The following TBCCD1 variants were observed in gnomAD, a reference collection of about 807,000 sequenced individuals.
The protein encoded by TBCCD1 is TBCC domain containing 1.
A neutral mutation model predicts 53.4 loss-of-function variants in TBCCD1; 26 were observed. The observed-to-expected ratio is 0.49, with a 90% confidence interval of 0.36 to 0.68. TBCCD1 has a LOEUF of 0.68. TBCCD1 is among the 30% of genes least tolerant of loss of function. The pLI, the probability that TBCCD1 is intolerant of heterozygous loss-of-function variation, is 0.00. For synonymous variants in TBCCD1, 245 were observed against 241.7 expected (o/e 1.01, Z -0.13); for missense variants, 558 against 669.5 (o/e 0.83, Z 1.84).
Position 186,554,696 on chromosome 3 carries a change from T to C in TBCCD1, c.1102A>G (p.Thr368Ala), listed in dbSNP as rs979721676. 1.2e-6 allele frequency: 2 copies of C among 1,614,060 alleles called. No homozygotes were observed. The highest frequency in any genetic ancestry group is 1.7e-5 in the Admixed American group (1 of 60,016). Reference protein sequence around the residue: ...NSIFVLGPVGTTLHLHSCDNV... With the variant: ...NSIFVLGPVGATLHLHSCDNV... ...TCACAACTGTGGAGGTGAAGTGTAG[T>C]CCCTACAGGGCCCAAGACAAAGATG... The change falls in exon 6 of 8, where the codon ACT becomes GCT. Residue 368 changes from threonine to alanine, a missense_variant. Transcript: ENST00000338733.
intron 2 of TBCCD1, 104 bp downstream of exon 2, chr3:186,563,888 ACT>A (rs1270457269): frequency 7.4e-6 from 10 of 1,348,092 alleles, no homozygotes; most frequent in South Asian, 6.0e-5. Flanking sequence ...ACAAAGTGAA[ACT>A]CTGTTTCTAT....
chr3:186,564,108 A>G lies in TBCCD1; in HGVS notation c.222T>C (p.Leu74=). 6.2e-7 allele frequency: 1 copy of G among 1,614,150 alleles called. No homozygotes were observed. Among genetic ancestry groups the G allele is most frequent in the Non-Finnish European group, 8.5e-7 (1 of 1,180,032 alleles). The change falls in exon 2 of 8, where the codon CTT becomes CTC. Residue 74 remains leucine (L), a synonymous_variant. Coordinates refer to ENST00000338733, the MANE Select transcript of TBCCD1 (RefSeq NM_018138.5). ...AAAGACTATCAAATATTTCGAAGTAAAGCCACGCCAGGTCCTTGGCCAACT... is the reference window on the plus strand; with the variant it reads ...AAAGACTATCAAATATTTCGAAGTAGAGCCACGCCAGGTCCTTGGCCAACT... ...KLQLAKDLAW[L]YFEIFDSLSM...
chr3:186,551,532 G>A (rs1016954888), intron 6 of TBCCD1, among the ~76,000 whole-genome samples: 2 of 152,136 alleles, frequency 1.3e-5, no homozygotes, highest in Non-Finnish European at 2.9e-5. Context: ...GTACTGTTCT[G>A]ACTGATGGGG....
At chr3:186,562,292 C>T (rs994219413) in intron 2 of TBCCD1, among the ~76,000 whole-genome samples, 6 of 152,204 alleles carry the variant, frequency 3.9e-5, no homozygotes, top group Admixed American at 3.9e-4. Flanking sequence ...CTATAGTGAG[C>T]TATGATTACA....
Position 186,564,037 on chromosome 3 carries a change from G to T in TBCCD1, c.293C>A (p.Ser98Tyr), listed in dbSNP as rs142094529. 7.4e-6 allele frequency: 12 copies of T among 1,613,728 alleles called. No individual in the cohort carries two copies. In the African/African-American group the frequency reaches 1.6e-4, roughly 22 times the overall value. Residue 98 changes from serine to tyrosine, a missense_variant, in exon 2 of 8, where the codon TCC becomes TAC. Physicochemically the swap from Ser to Tyr is moderately radical, Grantham distance 144. Transcript: ENST00000338733. The part of the protein sequence containing the change: ...EERLEWSEVL[S>Y]NCMSEEEVEK... Reference sequence around the variant, plus strand: ...AACTTCCTCCTCAGACATGCAGTTGGACAGAACCTCAGACCATTCCAGGCG... The same window carrying T: ...AACTTCCTCCTCAGACATGCAGTTGTACAGAACCTCAGACCATTCCAGGCG...
Position 186,552,928 on chromosome 3 carries a change from C to T in TBCCD1, c.1544+1326G>A, listed in dbSNP as rs552764062. Reference sequence around the variant, plus strand: ...GGGAAGGAGGAAATGAGGAAAAGAACGGCAGAAATTGAGGAAGAGAGAGCC... The same window carrying T: ...GGGAAGGAGGAAATGAGGAAAAGAATGGCAGAAATTGAGGAAGAGAGAGCC... On this transcript the variant is annotated intron_variant, in intron 6 of 7. Transcript: ENST00000338733. Among the ~76,000 whole-genome samples the T allele has an allele frequency of 5.3e-5, 8 of 152,138 alleles. No homozygotes were observed. The East Asian group carries it at 7.7e-4, about 15-fold the overall frequency.
intron 2 of TBCCD1, among the ~76,000 whole-genome samples, chr3:186,561,776 G>A (rs928405984): frequency 3.3e-5 from 5 of 151,414 alleles, no homozygotes; most frequent in African/African-American, 7.3e-5. Context: ...GCGACAGAGC[G>A]AGACTCCGTC....
chr3:186,569,993 T>C (rs1007884052), upstream of TBCCD1: 5 of 600,388 alleles, frequency 8.3e-6, no homozygotes, highest in African/African-American at 9.2e-5. Context: ...CCCGATGATT[T>C]ACCGATTTTT....
chr3:186,566,387 G>C (rs1358924784), intron 1 of TBCCD1, among the ~76,000 whole-genome samples: 1 of 152,134 alleles, frequency 6.6e-6, no homozygotes, highest in Admixed American at 6.5e-5. Context: ...AAAAATAACT[G>C]ACATCAATCG....
At chr3:186,562,074 G>A (rs1714705492) in intron 2 of TBCCD1, among the ~76,000 whole-genome samples, 1 of 152,214 alleles carries the variant, frequency 6.6e-6, no homozygotes, top group Non-Finnish European at 1.5e-5. Flanking sequence ...GGGTACAGTG[G>A]CTTATGCCTG....
chr3:186,555,635 T>C (rs184192647), intron 4 of TBCCD1, among the ~76,000 whole-genome samples: 1 of 152,314 alleles, frequency 6.6e-6, no homozygotes, highest in East Asian at 1.9e-4. Context: ...CTCAGTTCAC[T>C]GTAACCTCCA....
Position 186,556,658 on chromosome 3 carries a change from C to A in TBCCD1, c.610G>T (p.Val204Leu). 6.2e-7 allele frequency: 1 copy of A among 1,614,146 alleles called. No homozygotes were observed. Among genetic ancestry groups the A allele is most frequent in the Non-Finnish European group, 8.5e-7 (1 of 1,180,036 alleles). The change falls in exon 4 of 8, where the codon GTG becomes TTG. Residue 204 changes from valine to leucine, a missense_variant. Val to Leu is a conservative substitution (Grantham distance 32). Transcript: ENST00000338733. ...ASFHSTHSSL[V>L]SREAVVALSF... ...AGCGCCACAACAGCTTCTCGAGACA[C>A]TAGACTACTATGGGTTGAATGAAAT...
At chr3:186,555,140 C>T in intron 4 of TBCCD1, 56 bp from the exon 5 acceptor site, 2 of 1,513,116 alleles carry the variant, frequency 1.3e-6, no homozygotes, top group Non-Finnish European at 1.8e-6. Flanking sequence ...GAAAAACAAA[C>T]AAACATATGA....
chr3:186,566,041 CTT>C (rs1178917141), intron 1 of TBCCD1, among the ~76,000 whole-genome samples: 14 of 144,658 alleles, frequency 9.7e-5, no homozygotes, highest in Non-Finnish European at 9.2e-5. Flanking sequence ...GTGCTTCTCT[CTT>C]TTTTTTTTTT....
At chr3:186,568,628 T>C, upstream of TBCCD1, among the ~76,000 whole-genome samples, 1 of 152,022 alleles carries the variant, frequency 6.6e-6, no homozygotes, top group Non-Finnish European at 1.5e-5. Flanking sequence ...AGGCCGGGCG[T>C]GGTGGCTCAT....
chr3:186,565,115 T>C (rs996164997), intron 1 of TBCCD1, among the ~76,000 whole-genome samples: 379 of 148,416 alleles, frequency 2.6e-3, no homozygotes, highest in African/African-American at 9.0e-3. Flanking sequence ...TCTTCTTTTT[T>C]TTTTTTTTTT....
In TBCCD1 at chr3:186,546,490, G is replaced by C. The variant is rs1714208807; in HGVS notation, c.*487C>G. The C allele has an allele frequency of 6.6e-6, 1 of 152,120 alleles. No homozygotes were observed. The allele number at this position is 152,120 out of a possible 1,614,324, so 9.4% of individuals were successfully genotyped here. A position where few individuals can be genotyped will look rare whatever the true frequency, so the allele number is the denominator to read the frequency against. Reference sequence around the variant, plus strand: ...AAGTCAGAAGTTTAGCGAAAATTCGGCCTAAACAGTAATAAATGAAAATGG... The same window carrying C: ...AAGTCAGAAGTTTAGCGAAAATTCGCCCTAAACAGTAATAAATGAAAATGG... On this transcript the variant is annotated 3_prime_UTR_variant, in exon 8 of 8. Coordinates refer to ENST00000338733, the MANE Select transcript of TBCCD1 (RefSeq NM_018138.5).
intron 2 of TBCCD1, among the ~76,000 whole-genome samples, chr3:186,559,532 C>A (rs1473962581): frequency 1.3e-5 from 2 of 152,152 alleles, no homozygotes; most frequent in Non-Finnish European, 2.9e-5. Flanking sequence ...CACCCCCATA[C>A]AGGAGAGGCA....
intron 2 of TBCCD1, among the ~76,000 whole-genome samples, chr3:186,560,153 C>T (rs546044428): frequency 1.5e-5 from 2 of 131,920 alleles, no homozygotes; most frequent in Non-Finnish European, 3.3e-5. Context: ...GGATCCTTGC[C>T]TTTTCCATTT....
Sources: allele counts gnomAD v4.1 joint callset (sites outside exome capture counted in the v4.1 genomes callset), GRCh38; gene constraint gnomAD v4.1.1; transcripts MANE v1.5; gene names NCBI Gene and HGNC (gene_info 2026-07-23, HGNC 2026-07-21).